The following BACE2 variants were observed in gnomAD, a reference collection of about 807,000 sequenced individuals.
BACE2 encodes the protein beta-secretase 2.
A neutral mutation model predicts 46.2 loss-of-function variants in BACE2; 17 were observed. That is an observed-to-expected ratio of 0.37 (90% CI 0.25 to 0.55). BACE2 has a LOEUF of 0.55. BACE2 is among the 20% of genes least tolerant of loss of function. BACE2 has a pLI of 0.82. For missense variants in BACE2, 595 were observed against 698.1 expected, an observed-to-expected ratio of 0.85 and a Z score of 1.66; for synonymous variants, 277 against 295.9, an observed-to-expected ratio of 0.94 and a Z score of 0.66.
At chr21:41,247,789 T>C (rs889428709) in intron 6 of BACE2, among the ~76,000 whole-genome samples, 6 of 152,228 alleles carry the variant, frequency 3.9e-5, no homozygotes, top group Non-Finnish European at 5.9e-5. Context: ...TTTCATTCGG[T>C]GCCTGCGTCA....
chr21:41,237,871 C>G lies in BACE2; in HGVS notation c.618+142C>G, dbSNP rs1292087364. 7.7e-6 allele frequency: 5 copies of G among 649,008 alleles called. No homozygotes were observed. The African/African-American group carries it at 9.1e-5, about 12-fold the overall frequency. The allele number at this position is 649,008 out of a possible 1,614,324, so 40.2% of individuals were successfully genotyped here. ...TGGTGGAAACAGACCAGCATTCACA[C>G]AATTATATTTCCAAGCATTTTTTAA... On this transcript the variant is annotated intron_variant, in intron 3 of 8. Coordinates refer to ENST00000330333, the MANE Select transcript of BACE2 (RefSeq NM_012105.5).
At chr21:41,252,301 A>G (rs538443364) in intron 7 of BACE2, among the ~76,000 whole-genome samples, 1 of 152,156 alleles carries the variant, frequency 6.6e-6, no homozygotes, top group African/African-American at 2.4e-5. Context: ...CTTGCCTGCA[A>G]CTGTCTCCTA....
At chr21:41,211,436 C>T (rs1424205805) in intron 1 of BACE2, among the ~76,000 whole-genome samples, 1 of 152,206 alleles carries the variant, frequency 6.6e-6, no homozygotes, top group Non-Finnish European at 1.5e-5. Flanking sequence ...ATAAAAACAA[C>T]CTTAATTTTA....
rs578174553 is a variant in BACE2 at position 41,249,800 on chromosome 21, G to T, written c.985-952G>T. Among the ~76,000 whole-genome samples the T allele has an allele frequency of 1.4e-4, 21 of 152,274 alleles. 1 individual carries two copies. The South Asian group carries it at 3.5e-3, about 26-fold the overall frequency. ...AGATACAGTCCTTCCTCAGCAGCCG[G>T]CAGACCCAGGGTGGACTGCTCGGGG... On this transcript the variant is annotated intron_variant, in intron 6 of 8. Coordinates refer to ENST00000330333, the MANE Select transcript of BACE2 (RefSeq NM_012105.5).
At chr21:41,209,741 G>A (rs1986241049) in intron 1 of BACE2, among the ~76,000 whole-genome samples, 1 of 152,112 alleles carries the variant, frequency 6.6e-6, no homozygotes, top group Non-Finnish European at 1.5e-5. Context: ...TTAGAATCTC[G>A]GTCCAGCACA....
At chr21:41,219,829 C>T (rs1986583829) in intron 1 of BACE2, among the ~76,000 whole-genome samples, 1 of 152,220 alleles carries the variant, frequency 6.6e-6, no homozygotes, top group Non-Finnish European at 1.5e-5. Flanking sequence ...ACTTCCGGGA[C>T]CAAATGTGCG....
chr21:41,218,385 G>A (rs981862234), intron 1 of BACE2, among the ~76,000 whole-genome samples: 2 of 152,146 alleles, frequency 1.3e-5, no homozygotes, highest in Non-Finnish European at 2.9e-5. Context: ...AAGTGTAAAG[G>A]CCATGGATAG....
chr21:41,197,113 C>A (rs369709807), intron 1 of BACE2, among the ~76,000 whole-genome samples: 1 of 151,982 alleles, frequency 6.6e-6, no homozygotes, highest in African/African-American at 2.4e-5. Flanking sequence ...AGGTGCATGC[C>A]ACCACACCCA....
chr21:41,262,406 G>A (rs923479101), intron 8 of BACE2, among the ~76,000 whole-genome samples: 6 of 152,210 alleles, frequency 3.9e-5, no homozygotes, highest in Admixed American at 1.3e-4. Flanking sequence ...TGGTCAAGTT[G>A]TCTATCCCTC....
Sources: allele counts gnomAD v4.1 joint callset (sites outside exome capture counted in the v4.1 genomes callset), GRCh38; gene constraint gnomAD v4.1.1; transcripts MANE v1.5; gene names NCBI Gene and HGNC (gene_info 2026-07-23, HGNC 2026-07-21).